The following CCDC25 variants were observed in gnomAD, a reference collection of about 807,000 sequenced individuals.
CCDC25 encodes coiled-coil domain-containing protein 25.
CCDC25 carries 16 observed loss-of-function variants against 35.3 expected under a neutral mutation model. The observed-to-expected ratio is 0.45, with a 90% CI of 0.31 to 0.69. CCDC25 has a LOEUF of 0.69. Ranked by LOEUF, CCDC25 falls within the 30% of genes least tolerant of loss-of-function variation. The probability of loss-of-function intolerance (pLI) is 0.06; values close to 1 mark genes in which losing one functional copy is unlikely to be tolerated. For synonymous variants in CCDC25, 79 were observed against 80.3 expected (o/e 0.98, Z 0.09); for missense variants, 179 against 250.7 (o/e 0.71, Z 1.93).
chr8:27,750,276 G>T (rs530189571), intron 5 of CCDC25, among the ~76,000 whole-genome samples: 1 of 152,350 alleles, frequency 6.6e-6, no homozygotes, highest in South Asian at 2.1e-4. Flanking sequence ...GAACACTTGA[G>T]CCAAATGGGT....
chr8:27,742,877 C>T (rs896408263), intron 7 of CCDC25, among the ~76,000 whole-genome samples: 18 of 152,172 alleles, frequency 1.2e-4, no homozygotes, highest in African/African-American at 3.9e-4. Flanking sequence ...AAAAACAAAA[C>T]AAAACAAAAA....
At chr8:27,757,935 C>T (rs1804074487) in intron 3 of CCDC25, among the ~76,000 whole-genome samples, 1 of 152,128 alleles carries the variant, frequency 6.6e-6, no homozygotes, top group African/African-American at 2.4e-5. Context: ...AGCCCCGGCA[C>T]CCTGCTCCTG....
chr8:27,741,096 A>G (rs148470397), intron 7 of CCDC25, among the ~76,000 whole-genome samples: 7 of 152,322 alleles, frequency 4.6e-5, no homozygotes, highest in African/African-American at 1.7e-4. Context: ...GTTCTCAAAT[A>G]AAGTAGTGGG....
intron 3 of CCDC25, among the ~76,000 whole-genome samples, chr8:27,758,310 T>A (rs2128943612): frequency 6.6e-6 from 1 of 152,350 alleles, no homozygotes; most frequent in Non-Finnish European, 1.5e-5. Flanking sequence ...GTAGACTGTA[T>A]GATTCTATAT....
intron 1 of CCDC25, among the ~76,000 whole-genome samples, chr8:27,767,547 A>G (rs1402571462): frequency 6.6e-6 from 1 of 152,206 alleles, no homozygotes; most frequent in East Asian, 1.9e-4. Flanking sequence ...AATTCAACTA[A>G]CAATGCCATG....
At position 27,770,231 on chromosome 8, in the gene CCDC25, C is replaced by G. The variant is rs1489276861; in HGVS notation, c.28+2282G>C. Among the ~76,000 whole-genome samples, 4 of 152,104 alleles carry G rather than the reference C, an allele frequency of 2.6e-5. No homozygotes were observed. In the East Asian group the frequency reaches 7.7e-4, roughly 29 times the overall value. ...TTAAGGTGGGTAGATCACTTGAGCT[C>G]AGGAGTTCAAGACCAGCCTGAGCAA... On this transcript the variant is annotated intron_variant, in intron 1 of 8. Transcript: ENST00000356537.
chr8:27,765,324 T>C (rs1246878938), intron 1 of CCDC25, 73 bp from the exon 2 acceptor site: 3 of 1,242,430 alleles, frequency 2.4e-6, no homozygotes, highest in East Asian at 3.0e-5. Flanking sequence ...GAAAAACAAG[T>C]GACAATTCTT....
chr8:27,770,640 G>C (rs1804567453), intron 1 of CCDC25, among the ~76,000 whole-genome samples: 1 of 151,608 alleles, frequency 6.6e-6, no homozygotes. Context: ...ACAGGAGGCT[G>C]AGGCAGCAGA....
At position 27,734,830 on chromosome 8, in the gene CCDC25, CA is replaced by C. The variant is rs1803162069; in HGVS notation, c.*1385del. The C allele has an allele frequency of 6.6e-6, 1 of 152,094 alleles. No individual in the cohort carries two copies. Among genetic ancestry groups the C allele is most frequent in the African/African-American group, 2.4e-5 (1 of 41,406 alleles). The allele number at this position is 152,094 out of a possible 1,614,324, so 9.4% of individuals were successfully genotyped here. A position where few individuals can be genotyped will look rare whatever the true frequency, so the allele number is the denominator to read the frequency against. On this transcript the variant is annotated 3_prime_UTR_variant, in exon 9 of 9. Transcript: ENST00000356537. The stretch of plus-strand genomic sequence containing the variant: ...AGCTACGAATACATCTGAGATGTAT[CA>C]AGAATACATCTGAGAAAGGACATCC...
At chr8:27,748,320 T>C in intron 6 of CCDC25, 41 bp from the exon 7 acceptor site, 1 of 1,575,274 alleles carries the variant, frequency 6.3e-7, no homozygotes, top group Non-Finnish European at 8.7e-7. Flanking sequence ...ATCTTTTTGT[T>C]TTTTTTCTCC....
At chr8:27,759,705 G>A (rs1007322620) in intron 3 of CCDC25, among the ~76,000 whole-genome samples, 12 of 144,392 alleles carry the variant, frequency 8.3e-5, no homozygotes, top group South Asian at 6.6e-4. Context: ...GCTTGAACCC[G>A]GGAGGTAGAG....
intron 1 of CCDC25, 145 bp downstream of exon 1, chr8:27,772,368 T>A: frequency 1.3e-6 from 1 of 750,240 alleles, no homozygotes; most frequent in Non-Finnish European, 2.3e-6. Context: ...GGGACGGATG[T>A]GCTGGGGGAC....
intron 6 of CCDC25, 73 bp downstream of exon 6, chr8:27,748,422 T>C: frequency 7.4e-7 from 1 of 1,350,286 alleles, no homozygotes; most frequent in Non-Finnish European, 1.1e-6. Flanking sequence ...ACAACAATGG[T>C]GTCAGACAGA....
rs1240107421 is a variant in CCDC25, at chr8:27,734,487, T to C, written c.*1729A>G. On this transcript the variant is annotated 3_prime_UTR_variant, in exon 9 of 9. Coordinates refer to ENST00000356537, the MANE Select transcript of CCDC25 (RefSeq NM_018246.3). ...GTTTGACCTGTGGGCAATCAACCTA[T>C]AAGTCCTCAAAAGAAAATTTCCTTG... The C allele has an allele frequency of 1.3e-5, 2 of 152,136 alleles. No individual in the cohort carries two copies. The highest frequency in any genetic ancestry group is 2.9e-5 in the Non-Finnish European group (2 of 68,026). The allele number at this position is 152,136 out of a possible 1,614,324, so 9.4% of individuals were successfully genotyped here.
At chr8:27,747,423 C>T (rs1424294454) in intron 7 of CCDC25, among the ~76,000 whole-genome samples, 3 of 152,198 alleles carry the variant, frequency 2.0e-5, no homozygotes, top group East Asian at 3.8e-4. Flanking sequence ...TTGATTTTAG[C>T]CCAGTGAGAA....
intron 5 of CCDC25, among the ~76,000 whole-genome samples, chr8:27,750,641 A>G (rs1201236156): frequency 2.6e-5 from 4 of 152,214 alleles, no homozygotes; most frequent in African/African-American, 9.6e-5. Context: ...CGTGAAGGGA[A>G]AGAAGTCTGC....
intron 5 of CCDC25, among the ~76,000 whole-genome samples, chr8:27,750,062 T>A (rs908476938): frequency 6.6e-6 from 1 of 152,200 alleles, no homozygotes; most frequent in African/African-American, 2.4e-5. Flanking sequence ...GACACAAACA[T>A]GACCAGACAA....
chr8:27,752,330 T>A (rs1803840529), intron 5 of CCDC25, among the ~76,000 whole-genome samples, 182 bp downstream of exon 5: 1 of 152,148 alleles, frequency 6.6e-6, no homozygotes, highest in African/African-American at 2.4e-5. Context: ...GGAGATCAGT[T>A]TTTAGTTCTT....
chr8:27,755,463 A>G (rs193281854), intron 4 of CCDC25, among the ~76,000 whole-genome samples: 1 of 152,190 alleles, frequency 6.6e-6, no homozygotes, highest in Non-Finnish European at 1.5e-5. Context: ...AAAAGAGACA[A>G]ATGTTCCTTC....
Sources: gnomAD v4.1 joint callset for allele counts (sites outside exome capture counted in the v4.1 genomes callset) on GRCh38, gnomAD v4.1.1 for gene constraint, MANE v1.5 for transcripts, NCBI Gene and HGNC (gene_info 2026-07-23, HGNC 2026-07-21) for gene names.